DST: variants seen among roughly 807,000 people sequenced by gnomAD.
DST encodes dystonin, also known as bullous pemphigoid antigen.
DST carries 253 observed loss-of-function variants against 875.2 expected under a neutral mutation model. The ratio of observed to expected loss-of-function variants is 0.29; its 90% CI spans 0.26 to 0.32. The LOEUF (loss-of-function observed/expected upper bound fraction) is 0.32, where lower values mean the gene tolerates loss of function less well. Among genes scored for constraint, DST ranks in the 10% least tolerant of loss-of-function variants. DST has a pLI of 1.00. For missense variants in DST, 8,287 were observed against 9,111.6 expected, an observed-to-expected ratio of 0.91 and a Z score of 3.68; for synonymous variants, 3,124 against 3,197.1, an observed-to-expected ratio of 0.98 and a Z score of 0.77.
In DST at chr6:56,695,789, C is replaced by T. The variant is rs147479295; in HGVS notation, c.1047+3864G>A. ...GAAAGCCTGACTGAAAAACAGATTCCATTTATGATGCTATAACAAATATTG... is the reference window on the plus strand; with the variant it reads ...GAAAGCCTGACTGAAAAACAGATTCTATTTATGATGCTATAACAAATATTG... On this transcript the variant is annotated intron_variant, in intron 9 of 103. Coordinates refer to ENST00000680361, the MANE Select transcript of DST (RefSeq NM_001374736.1). 3.0e-3 allele frequency among the ~76,000 whole-genome samples: 452 copies of T among 152,212 alleles called. 3 individuals carry two copies. Among genetic ancestry groups the T allele is most frequent in the African/African-American group, 0.011 (440 of 41,532 alleles).
Position 56,740,629 on chromosome 6 carries a change from T to C in DST, c.626-5340A>G, listed in dbSNP as rs563062936. On this transcript the variant is annotated intron_variant, in intron 4 of 103. Transcript: ENST00000680361. ...TGCTTCCACTATCCCCAAGATACTG[T>C]CATTTTTCAAATGGAAGTGCTGACC... is the stretch of plus-strand genomic sequence containing the variant. 2.0e-5 allele frequency among the ~76,000 whole-genome samples: 3 copies of C among 152,348 alleles called. No individual in the cohort carries two copies. The East Asian group carries it at 5.8e-4, about 29-fold the overall frequency.
At chr6:56,646,449 T>C (rs899551955) in intron 13 of DST, among the ~76,000 whole-genome samples, 1 of 152,210 alleles carries the variant, frequency 6.6e-6, no homozygotes, top group Non-Finnish European at 1.5e-5. Context: ...CAGTGTTTAC[T>C]AGTGCTCTAC....
chr6:56,778,957 A>T (rs1177652181), intron 4 of DST, among the ~76,000 whole-genome samples: 1 of 152,076 alleles, frequency 6.6e-6, no homozygotes, highest in African/African-American at 2.4e-5. Flanking sequence ...AGGAATCACC[A>T]CACTGACTTC....
intron 58 of DST, among the ~76,000 whole-genome samples, chr6:56,558,706 A>G (rs2097475107): frequency 6.6e-6 from 1 of 152,102 alleles, no homozygotes; most frequent in South Asian, 2.1e-4. Flanking sequence ...AGACGATAAA[A>G]TCTGAAGACC....
chr6:56,496,928 A>C (rs1299045935), intron 82 of DST, among the ~76,000 whole-genome samples: 1 of 151,894 alleles, frequency 6.6e-6, no homozygotes, highest in Non-Finnish European at 1.5e-5. Context: ...AAACCCAAAC[A>C]CTGCATATTC....
At chr6:56,509,919 T>C (rs765129153) in intron 73 of DST, 46 bp from the exon 74 acceptor site, 2 of 1,374,086 alleles carry the variant, frequency 1.5e-6, no homozygotes, top group Admixed American at 2.3e-5. Context: ...AGATCTGTAA[T>C]ACCAAGTGTG....
At position 56,555,361 on chromosome 6, in the gene DST, A is replaced by G. The variant is rs2097397363; in HGVS notation, c.15120T>C (p.Asp5040=). 1 of 1,585,656 alleles carries G rather than the reference A, an allele frequency of 6.3e-7. No homozygotes were observed. The highest frequency in any genetic ancestry group is 8.6e-7 in the Non-Finnish European group (1 of 1,165,724). Residue 5040 remains aspartate, a synonymous_variant, in exon 60 of 104, where the codon GAT becomes GAC. Coordinates refer to ENST00000680361, the MANE Select transcript of DST (RefSeq NM_001374736.1). ...QLEGILKSFK[D]VEQKAENHVQ... is the part of the protein sequence containing the mutation. ...TAGACAAACCTGCTTTCTGTTCAAC[A>G]TCCTTAAATGATTTTAAGATGCCTT... is the stretch of plus-strand genomic sequence containing the variant.
chr6:56,682,577 A>G (rs1307268139), intron 9 of DST, among the ~76,000 whole-genome samples: 2 of 152,190 alleles, frequency 1.3e-5, no homozygotes, highest in African/African-American at 4.8e-5. Context: ...TGAAACACCA[A>G]TAACTGGAAC....
At chr6:56,785,090 T>C (rs1334823649) in intron 4 of DST, among the ~76,000 whole-genome samples, 1 of 152,182 alleles carries the variant, frequency 6.6e-6, no homozygotes, top group Non-Finnish European at 1.5e-5. Context: ...TCTGGAAGTT[T>C]TGTCTCAGAG....
chr6:56,610,589 C>T (rs1406971812), intron 38 of DST, 27 bp from the exon 39 acceptor site: 2 of 1,553,044 alleles, frequency 1.3e-6, no homozygotes, highest in Non-Finnish European at 1.7e-6. Context: ...GATAAAAAGA[C>T]TAATGCAAGT....
At chr6:56,869,595 A>AG (rs1562238025) in intron 3 of DST, among the ~76,000 whole-genome samples, 1 of 152,124 alleles carries the variant, frequency 6.6e-6, no homozygotes, top group Non-Finnish European at 1.5e-5. Context: ...GAGAAGAAAA[A>AG]AAAAAAAAAC....
Position 56,554,234 on chromosome 6 carries a change from G to A in DST, c.15137-579C>T, listed in dbSNP as rs1378824101. The stretch of plus-strand genomic sequence containing the variant: ...TGAGTAGCTGGGACTACAGGCACCC[G>A]CCACCACGCCCGGCTAATTTTTTGT... On this transcript the variant is annotated intron_variant, in intron 60 of 103. Transcript: ENST00000680361. 4.6e-5 allele frequency among the ~76,000 whole-genome samples: 7 copies of A among 151,438 alleles called. No homozygotes were observed. In the East Asian group the frequency reaches 5.8e-4, roughly 13 times the overall value.
rs1183824296 is a variant in DST at position 56,553,189 on chromosome 6, T to C, written c.15603A>G (p.Gly5201=). 1.2e-6 allele frequency: 2 copies of C among 1,613,990 alleles called. No homozygotes were observed. Among genetic ancestry groups the C allele is most frequent in the Admixed American group, 3.3e-5 (2 of 60,030 alleles). ...EIKFCLDPAE[G]ENSIAKLKSL... is the part of the protein sequence containing the mutation. The stretch of plus-strand genomic sequence containing the variant: ...ACTTTAACTTGGCAATAGAATTCTC[T>C]CCTTCAGCAGGATCCAAGCAAAATT... Residue 5201 remains glycine, a synonymous_variant, in exon 61 of 104, where the codon GGA becomes GGG. Transcript: ENST00000680361.
At chr6:56,749,152 G>A (rs1191849762) in intron 4 of DST, among the ~76,000 whole-genome samples, 1 of 152,116 alleles carries the variant, frequency 6.6e-6, no homozygotes, top group Non-Finnish European at 1.5e-5. Flanking sequence ...CAGGTCAGGA[G>A]TTTAAGGCTG....
intron 82 of DST, among the ~76,000 whole-genome samples, chr6:56,496,544 T>C (rs954677246): frequency 4.6e-5 from 7 of 152,146 alleles, no homozygotes; most frequent in Non-Finnish European, 1.0e-4. Flanking sequence ...CAATCATGCT[T>C]ATAACAATAA....
rs1426167453 is a variant in DST, at chr6:56,930,551, C to T, written c.216+23234G>A. The stretch of plus-strand genomic sequence containing the variant: ...TAGATTTCCAGAATTCCATACAGTT[C>T]CTTGCTTTTGCTTCTTTTCCTACCA... On this transcript the variant is annotated intron_variant, in intron 2 of 103. Coordinates refer to ENST00000680361, the MANE Select transcript of DST (RefSeq NM_001374736.1). 2.6e-5 allele frequency among the ~76,000 whole-genome samples: 4 copies of T among 152,160 alleles called. No individual in the cohort carries two copies. In the East Asian group the frequency reaches 7.7e-4, roughly 29 times the overall value.
chr6:56,752,597 C>G (rs1354943125), intron 4 of DST, among the ~76,000 whole-genome samples: 1 of 152,150 alleles, frequency 6.6e-6, no homozygotes, highest in Non-Finnish European at 1.5e-5. Context: ...AATCTAGCTT[C>G]TTTCACTCAG....
chr6:56,629,177 T>C, intron 32 of DST, 73 bp downstream of exon 32: 1 of 1,431,636 alleles, frequency 7.0e-7, no homozygotes, highest in Non-Finnish European at 9.8e-7. Flanking sequence ...TAGCCTCATA[T>C]GTGTAGATTT....
intron 3 of DST, among the ~76,000 whole-genome samples, chr6:56,892,545 CA>C (rs1788087506): frequency 6.6e-6 from 1 of 151,812 alleles, no homozygotes; most frequent in South Asian, 2.1e-4. Flanking sequence ...AGGCTGGTTT[CA>C]AACTCTTGAG....
Sources: gnomAD v4.1 joint callset for allele counts (sites outside exome capture counted in the v4.1 genomes callset) on GRCh38, gnomAD v4.1.1 for gene constraint, MANE v1.5 for transcripts, NCBI Gene and HGNC (gene_info 2026-07-23, HGNC 2026-07-21) for gene names.